The following PAG1 variants were observed in gnomAD, a reference collection of about 807,000 sequenced individuals.
PAG1 encodes phosphoprotein associated with glycosphingolipid-enriched microdomains 1.
A neutral mutation model predicts 31.7 loss-of-function variants in PAG1; 23 were observed. That is an observed-to-expected ratio of 0.73 (90% confidence interval 0.52 to 1.03). The LOEUF is 1.03. PAG1 is among the 50% of genes least tolerant of loss of function. The probability of loss-of-function intolerance (pLI) is 0.00; values close to 1 mark genes in which losing one functional copy is unlikely to be tolerated. For missense variants in PAG1, 473 were observed against 540.7 expected (o/e 0.87, Z 1.24); for synonymous variants, 214 against 210.3 (o/e 1.02, Z -0.15).
chr8:81,013,341 G>A (rs1808016812), intron 3 of PAG1, among the ~76,000 whole-genome samples: 1 of 152,172 alleles, frequency 6.6e-6, no homozygotes, highest in African/African-American at 2.4e-5. Context: ...CCTCTTTTCA[G>A]AGCTGCCATC....
At chr8:80,993,394 T>TG in intron 3 of PAG1, 87 bp from the exon 4 acceptor site, 1 of 651,802 alleles carries the variant, frequency 1.5e-6, no homozygotes, top group Non-Finnish European at 2.5e-6. Context: ...GCAAGACCTT[T>TG]GCGCAAAGTC....
chr8:81,090,142 G>T (rs981221458), intron 1 of PAG1, among the ~76,000 whole-genome samples: 62 of 152,150 alleles, frequency 4.1e-4, no homozygotes, highest in African/African-American at 1.4e-3. Context: ...ATACAGCCAT[G>T]ACATGTCCCA....
intron 7 of PAG1, 38 bp from the exon 8 acceptor site, chr8:80,980,532 C>T (rs749321994): frequency 3.9e-5 from 49 of 1,268,866 alleles, no homozygotes; most frequent in South Asian, 7.3e-5. Context: ...AGTAATTCAG[C>T]GTTAACAATC....
At chr8:81,110,201 AAAC>A (rs1809752743) in intron 1 of PAG1, among the ~76,000 whole-genome samples, 1 of 152,230 alleles carries the variant, frequency 6.6e-6, no homozygotes. Flanking sequence ...GCTTTGGTTT[AAAC>A]AATAATTTCA....
intron 3 of PAG1, among the ~76,000 whole-genome samples, chr8:80,998,574 C>T (rs866185306): frequency 1.4e-5 from 2 of 139,604 alleles, no homozygotes; most frequent in African/African-American, 2.7e-5. Context: ...CTATCAGCCA[C>T]CAAAATCAAT....
chr8:80,998,257 G>C (rs947563425), intron 3 of PAG1, among the ~76,000 whole-genome samples: 4 of 151,330 alleles, frequency 2.6e-5, no homozygotes, highest in African/African-American at 7.3e-5. Context: ...GGCCTCCTGA[G>C]TAGCTGGGAC....
intron 4 of PAG1, among the ~76,000 whole-genome samples, chr8:80,992,431 C>T (rs1807570762): frequency 1.3e-5 from 2 of 152,310 alleles, no homozygotes; most frequent in South Asian, 4.1e-4. Flanking sequence ...CCTCTGGTGG[C>T]ATCTAGCCTA....
At chr8:81,034,253 A>C (rs1808426809) in intron 2 of PAG1, among the ~76,000 whole-genome samples, 1 of 152,248 alleles carries the variant, frequency 6.6e-6, no homozygotes, top group Non-Finnish European at 1.5e-5. Flanking sequence ...TGAGCATGGA[A>C]TGAATCACAG....
intron 3 of PAG1, among the ~76,000 whole-genome samples, chr8:80,993,842 G>C (rs1028124821): frequency 6.6e-6 from 1 of 152,100 alleles, no homozygotes; most frequent in Admixed American, 6.6e-5. Context: ...CTGGGCTCAA[G>C]TAATCCTCCT....
In PAG1 at chr8:80,976,950, T is replaced by TC; in HGVS notation, c.937-45dup. 2.6e-6 allele frequency: 4 copies of TC among 1,543,544 alleles called. No homozygotes were observed. The East Asian group carries it at 6.8e-5, about 26-fold the overall frequency. ...GTTGAATAAACTTCCAGCTGTGACT[T>TC]CCCCCTCCCTCTTTTTAGTGACAAG... On this transcript the variant is annotated intron_variant, in intron 8 of 8. Coordinates refer to ENST00000220597, the MANE Select transcript of PAG1 (RefSeq NM_018440.4).
chr8:81,031,024 C>T (rs1586176636), intron 2 of PAG1, among the ~76,000 whole-genome samples: 2 of 152,194 alleles, frequency 1.3e-5, no homozygotes, highest in Admixed American at 1.3e-4. Flanking sequence ...TGATTTCTGA[C>T]ATAACAAACG....
At chr8:81,085,357 C>T (rs1809333769) in intron 1 of PAG1, among the ~76,000 whole-genome samples, 1 of 152,090 alleles carries the variant, frequency 6.6e-6, no homozygotes, top group African/African-American at 2.4e-5. Flanking sequence ...CACAGCCAAT[C>T]CAGCAAAAAG....
At chr8:81,080,094 T>C (rs1809241537) in intron 1 of PAG1, among the ~76,000 whole-genome samples, 1 of 152,100 alleles carries the variant, frequency 6.6e-6, no homozygotes. Flanking sequence ...AAGCACCTCA[T>C]TGAATCTCCG....
rs894200423 is a variant in PAG1, at chr8:80,969,762, A to T, written c.*6782T>A. ...TCCATTCAAAGAATTAACTGTGATGACTTACAGCAAAGTTTTACAAAACCA... is the reference window on the plus strand; with the variant it reads ...TCCATTCAAAGAATTAACTGTGATGTCTTACAGCAAAGTTTTACAAAACCA... On this transcript the variant is annotated 3_prime_UTR_variant, in exon 9 of 9. Coordinates refer to ENST00000220597, the MANE Select transcript of PAG1 (RefSeq NM_018440.4). 6.6e-6 allele frequency: 1 copy of T among 152,240 alleles called. No homozygotes were observed. The highest frequency in any genetic ancestry group is 2.4e-5 in the African/African-American group (1 of 41,466). The allele number at this position is 152,240 out of a possible 1,614,324, so 9.4% of individuals were successfully genotyped here.
At chr8:81,018,186 T>C (rs1808103728) in intron 3 of PAG1, among the ~76,000 whole-genome samples, 1 of 152,216 alleles carries the variant, frequency 6.6e-6, no homozygotes, top group Non-Finnish European at 1.5e-5. Context: ...AAAACTTTAT[T>C]GGCCTAAATT....
At chr8:81,050,218 G>T (rs1352126288) in intron 2 of PAG1, among the ~76,000 whole-genome samples, 3 of 152,114 alleles carry the variant, frequency 2.0e-5, no homozygotes, top group Non-Finnish European at 4.4e-5. Context: ...TTAAAATTGA[G>T]ACTGTAAATT....
chr8:80,999,845 T>C (rs1807752607), intron 3 of PAG1, among the ~76,000 whole-genome samples: 1 of 152,146 alleles, frequency 6.6e-6, no homozygotes, highest in Admixed American at 6.5e-5. Flanking sequence ...TTCCCCCAAA[T>C]TCTGACTTGG....
At chr8:81,056,678 A>G (rs1006388103) in intron 2 of PAG1, among the ~76,000 whole-genome samples, 1 of 152,226 alleles carries the variant, frequency 6.6e-6, no homozygotes, top group Admixed American at 6.5e-5. Flanking sequence ...TTCATGTCTA[A>G]AACACCAAAA....
At chr8:80,999,057 A>T (rs960178149) in intron 3 of PAG1, among the ~76,000 whole-genome samples, 9 of 152,208 alleles carry the variant, frequency 5.9e-5, no homozygotes, top group Non-Finnish European at 1.0e-4. Flanking sequence ...GAGCACACTG[A>T]CAGCTGCACA....
Sources: gnomAD v4.1 joint callset for allele counts (sites outside exome capture counted in the v4.1 genomes callset) on GRCh38, gnomAD v4.1.1 for gene constraint, MANE v1.5 for transcripts, NCBI Gene and HGNC (gene_info 2026-07-23, HGNC 2026-07-21) for gene names.